The following PIP4K2A variants were observed in gnomAD, a reference collection of about 807,000 sequenced individuals.
The protein encoded by PIP4K2A is phosphatidylinositol-5-phosphate 4-kinase type 2 alpha.
PIP4K2A carries 14 observed loss-of-function variants against 42.9 expected under a neutral mutation model. The ratio of observed to expected loss-of-function variants is 0.33; its 90% CI spans 0.22 to 0.51. The LOEUF (loss-of-function observed/expected upper bound fraction) is 0.51, where lower values mean the gene tolerates loss of function less well. PIP4K2A is among the 20% of genes least tolerant of loss of function. The probability of loss-of-function intolerance (pLI) is 0.97; values close to 1 mark genes in which losing one functional copy is unlikely to be tolerated. For missense variants in PIP4K2A, 434 were observed against 519.8 expected (o/e 0.83, Z 1.61); for synonymous variants, 192 against 192.2 (o/e 1.00, Z 0.01).
Position 22,581,935 on chromosome 10 carries a change from G to A in PIP4K2A, c.493-8478C>T, listed in dbSNP as rs1301286015. Among the ~76,000 whole-genome samples the A allele has an allele frequency of 2.0e-5, 3 of 151,882 alleles. No homozygotes were observed. In the South Asian group the frequency reaches 6.2e-4, roughly 31 times the overall value. On this transcript the variant is annotated intron_variant, in intron 4 of 9. Coordinates refer to ENST00000376573, the MANE Select transcript of PIP4K2A (RefSeq NM_005028.5). ...GAGACCAGCCTAGGCAACATGAGAA[G>A]ACCCCATCTCTACAAAAAAAAATAA...
At chr10:22,537,636 T>C (rs149258930) in intron 9 of PIP4K2A, among the ~76,000 whole-genome samples, 3 of 152,352 alleles carry the variant, frequency 2.0e-5, no homozygotes, top group African/African-American at 7.2e-5. Context: ...ACTTATGTTA[T>C]ACTTTTCAAG....
At chr10:22,621,445 G>A (rs1564446187) in intron 1 of PIP4K2A, among the ~76,000 whole-genome samples, 2 of 152,124 alleles carry the variant, frequency 1.3e-5, no homozygotes, top group Non-Finnish European at 2.9e-5. Context: ...ATACTTCCCT[G>A]GTATCTTTCT....
intron 1 of PIP4K2A, among the ~76,000 whole-genome samples, chr10:22,671,477 C>T (rs904960761): frequency 1.3e-5 from 2 of 152,016 alleles, no homozygotes; most frequent in African/African-American, 4.8e-5. Context: ...TAGGGTAGGT[C>T]GCTGGAAGGT....
chr10:22,635,085 G>C (rs1489378553), intron 1 of PIP4K2A, among the ~76,000 whole-genome samples: 1 of 152,140 alleles, frequency 6.6e-6, no homozygotes, highest in Non-Finnish European at 1.5e-5. Context: ...GCACATTTGG[G>C]GGAGGGAGGG....
At chr10:22,542,932 G>C (rs1029696973) in intron 7 of PIP4K2A, among the ~76,000 whole-genome samples, 1 of 152,126 alleles carries the variant, frequency 6.6e-6, no homozygotes, top group Admixed American at 6.5e-5. Flanking sequence ...TCCGACCTTG[G>C]GCTCAGGGTC....
chr10:22,556,294 CT>C, intron 6 of PIP4K2A, among the ~76,000 whole-genome samples: 1 of 152,150 alleles, frequency 6.6e-6, no homozygotes, highest in East Asian at 1.9e-4. Flanking sequence ...CCCTACACTG[CT>C]TTGCAAACCT....
At chr10:22,656,166 C>T (rs1341638167) in intron 1 of PIP4K2A, among the ~76,000 whole-genome samples, 1 of 152,202 alleles carries the variant, frequency 6.6e-6, no homozygotes, top group Non-Finnish European at 1.5e-5. Context: ...ATTGTTTCCT[C>T]ATGGATGAGT....
chr10:22,538,138 C>T (rs1485209792), intron 9 of PIP4K2A, among the ~76,000 whole-genome samples: 1 of 152,230 alleles, frequency 6.6e-6, no homozygotes, highest in Non-Finnish European at 1.5e-5. Flanking sequence ...CCCATGTTCA[C>T]CGGGGAACTT....
At chr10:22,628,275 T>C (rs919104001) in intron 1 of PIP4K2A, among the ~76,000 whole-genome samples, 1 of 152,238 alleles carries the variant, frequency 6.6e-6, no homozygotes, top group Non-Finnish European at 1.5e-5. Context: ...CAAGCAATTT[T>C]TGAAGAAGTT....
chr10:22,710,354 C>T lies in PIP4K2A; in HGVS notation c.144+3829G>A, dbSNP rs150856005. On this transcript the variant is annotated intron_variant, in intron 1 of 9. Coordinates refer to ENST00000376573, the MANE Select transcript of PIP4K2A (RefSeq NM_005028.5). Reference sequence around the variant, plus strand: ...TCTCTGGGGACTGTTCTTTCCCCAACGCCAACAGGCAAGCGCTGCCATGTT... The same window carrying T: ...TCTCTGGGGACTGTTCTTTCCCCAATGCCAACAGGCAAGCGCTGCCATGTT... Among the ~76,000 whole-genome samples the T allele has an allele frequency of 1.5e-3, 227 of 152,346 alleles. 1 individual carries two copies. The highest frequency in any genetic ancestry group is 5.1e-3 in the African/African-American group (210 of 41,574).
At chr10:22,666,180 T>G (rs1470409261) in intron 1 of PIP4K2A, among the ~76,000 whole-genome samples, 2 of 152,200 alleles carry the variant, frequency 1.3e-5, no homozygotes, top group Non-Finnish European at 2.9e-5. Flanking sequence ...CAATAATGCT[T>G]TTACCAATAT....
rs376991507 is a variant in PIP4K2A, at chr10:22,674,977, AC to A, written c.144+39205del. On this transcript the variant is annotated intron_variant, in intron 1 of 9. Transcript: ENST00000376573. ...GACCGTAGGATTCTGTCTTTAAAAA[AC>A]AAAAAAAAGTCCATCTATATTTTTC... Among the ~76,000 whole-genome samples the A allele has an allele frequency of 5.7e-3, 867 of 150,806 alleles. 2 individuals are homozygous for A. Among genetic ancestry groups the A allele is most frequent in the Middle Eastern group, 0.021 (6 of 290 alleles).
intron 1 of PIP4K2A, among the ~76,000 whole-genome samples, chr10:22,675,254 T>C (rs1256483032): frequency 6.6e-6 from 1 of 152,148 alleles, no homozygotes; most frequent in Non-Finnish European, 1.5e-5. Flanking sequence ...ACCATTACAA[T>C]GACATATTAC....
At chr10:22,626,476 T>C (rs192007415) in intron 1 of PIP4K2A, among the ~76,000 whole-genome samples, 2 of 152,360 alleles carry the variant, frequency 1.3e-5, no homozygotes, top group African/African-American at 2.4e-5. Context: ...CACGAGGATA[T>C]TGTTTATAAG....
intron 1 of PIP4K2A, among the ~76,000 whole-genome samples, chr10:22,650,032 G>A (rs945228892): frequency 6.6e-6 from 1 of 152,144 alleles, no homozygotes; most frequent in African/African-American, 2.4e-5. Context: ...CAGGGACTGT[G>A]TATCTCCCCA....
At chr10:22,693,311 T>C (rs902664604) in intron 1 of PIP4K2A, among the ~76,000 whole-genome samples, 1 of 152,184 alleles carries the variant, frequency 6.6e-6, no homozygotes, top group Admixed American at 6.5e-5. Context: ...TGCATTTTGC[T>C]TTATTTTACC....
chr10:22,646,334 A>G (rs947418302), intron 1 of PIP4K2A: 2 of 152,252 alleles, frequency 1.3e-5, no homozygotes, highest in African/African-American at 4.8e-5. Context: ...ACTTTTGTCT[A>G]TAGTCTTACT....
intron 2 of PIP4K2A, among the ~76,000 whole-genome samples, chr10:22,608,392 T>C (rs12774725): frequency 0.21 from 31,175 of 152,050 alleles, 3,590 homozygotes; most frequent in Non-Finnish European, 0.26. Context: ...GGAGCAAGGT[T>C]CCCTCTCAGC....
intron 1 of PIP4K2A, chr10:22,693,907 G>T (rs931071886): frequency 5.3e-5 from 8 of 152,088 alleles, no homozygotes. Flanking sequence ...TGATAAAAGA[G>T]GTGTTAAGTC....
Sources: allele counts gnomAD v4.1 joint callset (sites outside exome capture counted in the v4.1 genomes callset), GRCh38; gene constraint gnomAD v4.1.1; transcripts MANE v1.5; gene names NCBI Gene and HGNC (gene_info 2026-07-23, HGNC 2026-07-21).